Variants in KANTR observed in about 807,000 individuals in gnomAD.
KANTR encodes the protein KDM5C adjacent transcript.
intron 2 of KANTR, among the ~76,000 whole-genome samples, chrX:53,136,334 G>A (rs1933418965): frequency 9.1e-6 from 1 of 109,737 alleles, no homozygotes; most frequent in Non-Finnish European, 1.9e-5. Flanking sequence ...CACCTCCTGG[G>A]TTCAAGCGGT....
intron 2 of KANTR, among the ~76,000 whole-genome samples, chrX:53,112,823 C>A (rs1264000106): frequency 9.0e-6 from 1 of 111,267 alleles, no homozygotes; most frequent in Non-Finnish European, 1.9e-5. Flanking sequence ...GCTTTCTGTT[C>A]CTTTGTCTTT....
intron 2 of KANTR, among the ~76,000 whole-genome samples, chrX:53,108,761 T>C (rs1485474450): frequency 9.1e-6 from 1 of 109,823 alleles, no homozygotes; most frequent in Non-Finnish European, 1.9e-5. Context: ...AGCGCAGCGG[T>C]GTGATCATAG....
chrX:53,108,102 G>A (rs1285689605), intron 2 of KANTR, among the ~76,000 whole-genome samples: 1 of 110,059 alleles, frequency 9.1e-6, no homozygotes, highest in East Asian at 2.8e-4. Flanking sequence ...TGTTGGCCAG[G>A]CTGGTCTCAA....
At chrX:53,103,375 C>T (rs1292558896) in intron 2 of KANTR, among the ~76,000 whole-genome samples, 11 of 111,056 alleles carry the variant, frequency 9.9e-5, no homozygotes, top group African/African-American at 2.3e-4. Flanking sequence ...TTCTAGCTCA[C>T]GCCTACTAGT....
At chrX:53,117,366 C>T (rs1434389603) in intron 2 of KANTR, among the ~76,000 whole-genome samples, 5 of 110,690 alleles carry the variant, frequency 4.5e-5, no homozygotes, top group Admixed American at 3.9e-4. Context: ...CTCACAACCC[C>T]ACCCAAGAAC....
At chrX:53,139,078 G>A (rs782389700) in intron 2 of KANTR, among the ~76,000 whole-genome samples, 18 of 109,983 alleles carry the variant, frequency 1.6e-4, no homozygotes, top group Non-Finnish European at 3.0e-4. Flanking sequence ...AAAATTAGCC[G>A]GGTGTGGTGG....
intron 2 of KANTR, among the ~76,000 whole-genome samples, chrX:53,138,538 T>A (rs988766049): frequency 6.5e-5 from 7 of 108,182 alleles, no homozygotes; most frequent in African/African-American, 2.3e-4. Context: ...GGCACATGCC[T>A]GTATTAAAAG....
chrX:53,108,882 G>A (rs960562223), intron 2 of KANTR, among the ~76,000 whole-genome samples: 14 of 110,479 alleles, frequency 1.3e-4, no homozygotes, highest in Admixed American at 1.3e-3. Flanking sequence ...TAATTTTTTT[G>A]TGGAGACAAG....
At chrX:53,139,331 T>G (rs1188427210) in intron 2 of KANTR, among the ~76,000 whole-genome samples, 1 of 111,671 alleles carries the variant, frequency 9.0e-6, no homozygotes, top group Admixed American at 9.5e-5. Flanking sequence ...ACCTAGGGGC[T>G]TGGACAAAAC....
intron 2 of KANTR, among the ~76,000 whole-genome samples, chrX:53,123,226 ATTC>A (rs1476283915): frequency 9.1e-6 from 1 of 109,754 alleles, no homozygotes; most frequent in African/African-American, 3.3e-5. Context: ...CATTCTTCAA[ATTC>A]TTAACAGTCG....
At chrX:53,122,588 C>T (rs1933241755) in intron 2 of KANTR, among the ~76,000 whole-genome samples, 1 of 111,527 alleles carries the variant, frequency 9.0e-6, no homozygotes, top group South Asian at 3.7e-4. Flanking sequence ...CGGGTTTTAT[C>T]AGGTTAAGCA....
At chrX:53,142,994 T>C, downstream of KANTR, 3 of 1,113,697 alleles carry the variant, frequency 2.7e-6, no homozygotes, top group South Asian at 5.5e-5. Context: ...AGCGTGGTGA[T>C]GCCAGGGCAC....
chrX:53,135,424 A>G (rs1933409156), intron 2 of KANTR, among the ~76,000 whole-genome samples: 1 of 111,768 alleles, frequency 8.9e-6, no homozygotes, highest in Admixed American at 9.5e-5. Flanking sequence ...TGATGGACAA[A>G]TGGACATTTC....
At chrX:53,131,898 C>T (rs1180825286), downstream of KANTR, among the ~76,000 whole-genome samples, 1 of 112,199 alleles carries the variant, frequency 8.9e-6, no homozygotes, top group Non-Finnish European at 1.9e-5. Context: ...AAAAATAAAA[C>T]CCTACTAGAA....
intron 2 of KANTR, among the ~76,000 whole-genome samples, chrX:53,110,357 G>A (rs782590131): frequency 9.0e-6 from 1 of 111,273 alleles, no homozygotes; most frequent in African/African-American, 3.3e-5. Flanking sequence ...TATCATGAAG[G>A]GATGTTGAAT....
intron 2 of KANTR, among the ~76,000 whole-genome samples, chrX:53,139,682 G>T (rs1556818190): frequency 9.0e-6 from 1 of 111,405 alleles, no homozygotes; most frequent in Non-Finnish European, 1.9e-5. Context: ...TAAATTACCT[G>T]GTTGTGGTGG....
downstream of KANTR, chrX:53,143,383 C>T (rs782645915): frequency 1.8e-4 from 130 of 740,021 alleles, no homozygotes; most frequent in Admixed American, 2.3e-4. Flanking sequence ...CAGGTCCAGA[C>T]GCAGGATGGC....
chrX:53,112,899 T>TA (rs1556813998), intron 2 of KANTR: 1 of 111,562 alleles, frequency 9.0e-6, no homozygotes, highest in Non-Finnish European at 1.9e-5. Flanking sequence ...GTAAATCCCA[T>TA]AAGCTGTCTT....
intron 2 of KANTR, among the ~76,000 whole-genome samples, chrX:53,103,013 C>T (rs1362868464): frequency 2.2e-5 from 2 of 88,946 alleles, no homozygotes; most frequent in Non-Finnish European, 4.2e-5. Flanking sequence ...GAGATGGAGT[C>T]TTACTCTGTC....
Sources: gnomAD v4.1 joint callset for allele counts (sites outside exome capture counted in the v4.1 genomes callset) on GRCh38, gnomAD v4.1.1 for gene constraint, MANE v1.5 for transcripts, NCBI Gene and HGNC (gene_info 2026-07-23, HGNC 2026-07-21) for gene names.